The following GTF2A1L variants were observed in gnomAD, a reference collection of about 807,000 sequenced individuals.
GTF2A1L encodes general transcription factor IIA subunit 1 like, also known as TFIIA-alpha and beta-like factor.
In GTF2A1L, 48 loss-of-function variants were observed where a neutral mutation model predicts 49.7. The ratio of observed to expected loss-of-function variants is 0.97; its 90% confidence interval spans 0.77 to 1.23. GTF2A1L has a LOEUF of 1.23. Among genes scored for constraint, GTF2A1L ranks in the 50% most tolerant of loss-of-function variants. The probability of loss-of-function intolerance (pLI) is 0.00; values close to 1 mark genes in which losing one functional copy is unlikely to be tolerated. For missense variants in GTF2A1L, 736 were observed against 564.8 expected (o/e 1.30, Z -3.07); for synonymous variants, 246 against 193.5 (o/e 1.27, Z -2.25).
chr2:48,656,029 T>C (rs1678149585), intron 6 of GTF2A1L, among the ~76,000 whole-genome samples: 1 of 152,228 alleles, frequency 6.6e-6, no homozygotes, highest in Admixed American at 6.5e-5. Context: ...TGTTTTAAGG[T>C]GAATAATATC....
intron 6 of GTF2A1L, among the ~76,000 whole-genome samples, chr2:48,649,777 G>A (rs1303735159): frequency 2.0e-5 from 3 of 152,004 alleles, no homozygotes; most frequent in Non-Finnish European, 4.4e-5. Flanking sequence ...ATAAACTTCA[G>A]GCACCTTAAT....
chr2:48,621,924 A>G (rs1166248640), intron 3 of GTF2A1L, among the ~76,000 whole-genome samples: 2 of 152,324 alleles, frequency 1.3e-5, no homozygotes, highest in Non-Finnish European at 1.5e-5. Context: ...AGAGTTTTCT[A>G]TCCTTGTATG....
chr2:48,679,350 A>G lies in GTF2A1L; in HGVS notation c.1345A>G (p.Asn449Asp), dbSNP rs755134798. 3.7e-6 allele frequency: 6 copies of G among 1,609,850 alleles called. No individual in the cohort carries two copies. In the African/African-American group the frequency reaches 8.0e-5, roughly 22 times the overall value. Residue 449 changes from asparagine (N) to aspartate (D), a missense_variant, in exon 9 of 9, where the codon AAC becomes GAC. Transcript: ENST00000403751. ...CQYDKIHRSKNKWKFYLKDGV... is the reference protein window; with the variant it reads ...CQYDKIHRSKDKWKFYLKDGV... ...CTCCCTCCAGATTCATCGAAGCAAGAACAAATGGAAATTCTATTTGAAAGA... is the reference window on the plus strand; with the variant it reads ...CTCCCTCCAGATTCATCGAAGCAAGGACAAATGGAAATTCTATTTGAAAGA...
chr2:48,643,808 T>C (rs557585793), intron 4 of GTF2A1L, among the ~76,000 whole-genome samples: 2 of 151,426 alleles, frequency 1.3e-5, no homozygotes, highest in Non-Finnish European at 2.9e-5. Flanking sequence ...CAAGTGATTC[T>C]TCTGCTTCAG....
chr2:48,627,254 C>T (rs1396197353), intron 3 of GTF2A1L, among the ~76,000 whole-genome samples: 3 of 144,124 alleles, frequency 2.1e-5, no homozygotes, highest in Non-Finnish European at 3.1e-5. Flanking sequence ...TACACTAAAA[C>T]TCAACAAATG....
chr2:48,647,467 A>T (rs1341742433), intron 6 of GTF2A1L, among the ~76,000 whole-genome samples: 1 of 152,168 alleles, frequency 6.6e-6, no homozygotes. Context: ...TTATACTGGG[A>T]AACTTATTTT....
rs1485592024 is a variant in GTF2A1L, at chr2:48,617,908, T to G, written c.21+13T>G. ...CCTCAACCCGGTGGTAAGGAAGACC[T>G]CAGGCTCTGTGTAGAGGGAGCGCCC... On this transcript the variant is annotated intron_variant, in intron 1 of 8. Transcript: ENST00000403751. 1 of 1,551,750 alleles carries G rather than the reference T, an allele frequency of 6.4e-7. No individual in the cohort carries two copies. The highest frequency in any genetic ancestry group is 2.4e-5 in the East Asian group (1 of 40,918).
chr2:48,644,985 C>T, intron 4 of GTF2A1L, 48 bp from the exon 5 acceptor site: 3 of 1,541,590 alleles, frequency 1.9e-6, no homozygotes, highest in South Asian at 1.2e-5. Context: ...AAAAAAGATA[C>T]AAGTAAAGTC....
In GTF2A1L at chr2:48,626,267, T is replaced by C. The variant is rs1676286946; in HGVS notation, c.247+4977T>C. 2.8e-5 allele frequency among the ~76,000 whole-genome samples: 4 copies of C among 144,302 alleles called. 1 individual carries two copies. In the South Asian group the frequency reaches 7.0e-4, roughly 25 times the overall value. The allele number at this position is 144,302 out of a possible 152,430, so 94.7% of individuals were successfully genotyped here. A position where few individuals can be genotyped will look rare whatever the true frequency, so the allele number is the denominator to read the frequency against. On this transcript the variant is annotated intron_variant, in intron 3 of 8. Coordinates refer to ENST00000403751, the MANE Select transcript of GTF2A1L (RefSeq NM_006872.5). Reference sequence around the variant, plus strand: ...GTCAGTGCCATACTGTTTTGATTACTACAGGTTTGCAATATAGTTTTAAAC... The same window carrying C: ...GTCAGTGCCATACTGTTTTGATTACCACAGGTTTGCAATATAGTTTTAAAC...
At chr2:48,658,709 G>C (rs1678316492) in intron 6 of GTF2A1L, among the ~76,000 whole-genome samples, 1 of 151,930 alleles carries the variant, frequency 6.6e-6, no homozygotes, top group South Asian at 2.1e-4. Context: ...ATTTCTTTCT[G>C]TTTCATTCTT....
intron 7 of GTF2A1L, among the ~76,000 whole-genome samples, chr2:48,670,885 G>A (rs984545605): frequency 2.0e-5 from 3 of 152,104 alleles, no homozygotes; most frequent in Non-Finnish European, 4.4e-5. Flanking sequence ...GTGCAGTGGT[G>A]TGATCTTGAC....
At chr2:48,659,716 ATTC>A (rs1288617014) in intron 6 of GTF2A1L, among the ~76,000 whole-genome samples, 2 of 151,968 alleles carry the variant, frequency 1.3e-5, no homozygotes, top group Non-Finnish European at 2.9e-5. Flanking sequence ...TAAATAACCT[ATTC>A]TTTTTGGTGC....
At chr2:48,670,379 T>TAA (rs35545854) in intron 7 of GTF2A1L, among the ~76,000 whole-genome samples, 11 of 146,090 alleles carry the variant, frequency 7.5e-5, no homozygotes, top group South Asian at 6.5e-4. Flanking sequence ...CAAGACTCTT[T>TAA]AAAAAAAAAA....
At chr2:48,643,098 A>G (rs1321451016) in intron 4 of GTF2A1L, among the ~76,000 whole-genome samples, 2 of 152,196 alleles carry the variant, frequency 1.3e-5, no homozygotes, top group Non-Finnish European at 2.9e-5. Flanking sequence ...CTAAATAAAT[A>G]ATTTTGAGGT....
chr2:48,659,727 T>G (rs1678382260), intron 6 of GTF2A1L, among the ~76,000 whole-genome samples: 1 of 152,126 alleles, frequency 6.6e-6, no homozygotes, highest in African/African-American at 2.4e-5. Flanking sequence ...TTCTTTTTGG[T>G]GCTATTGAAA....
At chr2:48,665,198 G>A (rs979884436) in intron 6 of GTF2A1L, among the ~76,000 whole-genome samples, 2 of 151,766 alleles carry the variant, frequency 1.3e-5, no homozygotes, top group Admixed American at 6.6e-5. Flanking sequence ...CTGGGATTAC[G>A]GGTGCGAGCC....
At chr2:48,645,379 C>T (rs913810816) in intron 5 of GTF2A1L, among the ~76,000 whole-genome samples, 2 of 152,098 alleles carry the variant, frequency 1.3e-5, no homozygotes, top group Non-Finnish European at 2.9e-5. Flanking sequence ...TATATTTTTT[C>T]TAATTCAAGT....
chr2:48,638,105 A>G (rs1677003232), intron 3 of GTF2A1L, among the ~76,000 whole-genome samples: 1 of 152,184 alleles, frequency 6.6e-6, no homozygotes, highest in Non-Finnish European at 1.5e-5. Context: ...ACCAACCAAA[A>G]AAAGCCAAGG....
intron 8 of GTF2A1L, among the ~76,000 whole-genome samples, chr2:48,673,652 G>C (rs150167046): frequency 5.1e-4 from 77 of 152,148 alleles, no homozygotes; most frequent in African/African-American, 1.8e-3. Context: ...GCACCCAGCC[G>C]ACACAGGAAT....
Sources: gnomAD v4.1 joint callset for allele counts (sites outside exome capture counted in the v4.1 genomes callset) on GRCh38, gnomAD v4.1.1 for gene constraint, MANE v1.5 for transcripts, NCBI Gene and HGNC (gene_info 2026-07-23, HGNC 2026-07-21) for gene names.